CSTA: variants seen among roughly 807,000 people sequenced by gnomAD.
CSTA encodes the protein cystatin-A.
Under a neutral mutation model 9.2 loss-of-function variants are expected in CSTA, and 9 were observed. The ratio of observed to expected loss-of-function variants is 0.97; its 90% confidence interval spans 0.59 to 1.70. The LOEUF (loss-of-function observed/expected upper bound fraction) is 1.70, where lower values mean the gene tolerates loss of function less well. Among genes scored for constraint, CSTA ranks in the 40% most tolerant of loss-of-function variants. The probability of loss-of-function intolerance (pLI) is 0.00; values close to 1 mark genes in which losing one functional copy is unlikely to be tolerated. For missense variants in CSTA, 118 were observed against 113.1 expected (o/e 1.04, Z -0.20); for synonymous variants, 36 against 40.6 (o/e 0.89, Z 0.43).
chr3:122,341,806 G>GC lies in CSTA; in HGVS notation c.*241dup, dbSNP rs1040796139. The GC allele has an allele frequency of 1.1e-4, 55 of 490,644 alleles. No homozygotes were observed. Among genetic ancestry groups the GC allele is most frequent in the Non-Finnish European group, 1.4e-4 (38 of 275,642 alleles). The allele number at this position is 490,644 out of a possible 1,614,324, so 30.4% of individuals were successfully genotyped here. On this transcript the variant is annotated 3_prime_UTR_variant, in exon 3 of 3. Coordinates refer to ENST00000264474, the MANE Select transcript of CSTA (RefSeq NM_005213.4). ...TGGAAATCTTATAAAAACTAGTCAA[G>GC]CCTAATGCAACTGGCTAAAGGATAG...
chr3:122,326,719 T>G (rs2075172394), intron 1 of CSTA, among the ~76,000 whole-genome samples: 1 of 152,244 alleles, frequency 6.6e-6, no homozygotes, highest in Admixed American at 6.5e-5. Flanking sequence ...TGTCTTCATG[T>G]GAATCCCCAG....
intron 2 of CSTA, 28 bp downstream of exon 2, chr3:122,337,676 C>A: frequency 7.6e-7 from 1 of 1,319,182 alleles, no homozygotes; most frequent in Non-Finnish European, 1.1e-6. Flanking sequence ...ACTTTAGCGC[C>A]AAAAGATGTA....
chr3:122,332,040 T>C (rs912072018), intron 1 of CSTA, among the ~76,000 whole-genome samples: 1 of 152,202 alleles, frequency 6.6e-6, no homozygotes, highest in Non-Finnish European at 1.5e-5. Context: ...GCCGCTAATC[T>C]GACAGGAGGC....
chr3:122,328,151 G>A (rs1258865494), intron 1 of CSTA, among the ~76,000 whole-genome samples: 2 of 152,116 alleles, frequency 1.3e-5, no homozygotes, highest in South Asian at 2.1e-4. Flanking sequence ...GAGCAGGCAG[G>A]GAAGATATTG....
intron 2 of CSTA, among the ~76,000 whole-genome samples, chr3:122,341,011 G>C (rs779563152): frequency 6.6e-6 from 1 of 151,316 alleles, no homozygotes; most frequent in Non-Finnish European, 1.5e-5. Context: ...GCATGATCTC[G>C]GCTCACTGCA....
intron 1 of CSTA, among the ~76,000 whole-genome samples, chr3:122,331,085 A>AAT (rs569665751): frequency 3.8e-4 from 57 of 149,310 alleles, no homozygotes; most frequent in African/African-American, 1.2e-3. Context: ...CTATACATGC[A>AAT]ATGTGCATGC....
At chr3:122,332,626 G>A (rs75498128) in intron 1 of CSTA, among the ~76,000 whole-genome samples, 8,427 of 152,194 alleles carry the variant, frequency 0.055, 284 homozygotes, top group African/African-American at 0.092. Context: ...ATGCTCAGTA[G>A]CAATGAGAAA....
chr3:122,337,398 G>T (rs1048474331), intron 1 of CSTA, 149 bp from the exon 2 acceptor site: 17 of 627,824 alleles, frequency 2.7e-5, no homozygotes, highest in Non-Finnish European at 4.6e-5. Context: ...ATTAAAACAG[G>T]TGTTTTCTAT....
At chr3:122,325,683 T>C (rs1485012226) in intron 1 of CSTA, among the ~76,000 whole-genome samples, 1 of 152,246 alleles carries the variant, frequency 6.6e-6, no homozygotes, top group Non-Finnish European at 1.5e-5. Flanking sequence ...ATGAAACTTT[T>C]CTAATCTCAC....
At chr3:122,332,619 C>T (rs2075211002) in intron 1 of CSTA, among the ~76,000 whole-genome samples, 1 of 152,166 alleles carries the variant, frequency 6.6e-6, no homozygotes, top group South Asian at 2.1e-4. Flanking sequence ...AAGATTCATG[C>T]TCAGTAGCAA....
At chr3:122,334,203 A>G (rs1559981852) in intron 1 of CSTA, among the ~76,000 whole-genome samples, 4 of 152,188 alleles carry the variant, frequency 2.6e-5, no homozygotes, top group Admixed American at 1.3e-4. Flanking sequence ...ATCTCAACAG[A>G]ACAATCACAC....
chr3:122,333,255 A>G (rs1462750044), intron 1 of CSTA, among the ~76,000 whole-genome samples: 1 of 152,240 alleles, frequency 6.6e-6, no homozygotes, highest in Non-Finnish European at 1.5e-5. Context: ...TCACCCCTGT[A>G]ATCCCAGCAC....
At chr3:122,325,811 A>C (rs1271331079) in intron 1 of CSTA, among the ~76,000 whole-genome samples, 1 of 152,220 alleles carries the variant, frequency 6.6e-6, no homozygotes, top group African/African-American at 2.4e-5. Context: ...AATATTGTAA[A>C]GGCAATCTAC....
intron 1 of CSTA, among the ~76,000 whole-genome samples, chr3:122,333,575 GAAAGA>G (rs2075218028): frequency 7.8e-6 from 1 of 128,424 alleles, no homozygotes; most frequent in Admixed American, 8.4e-5. Context: ...AAGAAAGAAA[GAAAGA>G]AAGAAAGAAA....
At chr3:122,341,148 G>A (rs112596751) in intron 2 of CSTA, among the ~76,000 whole-genome samples, 2,684 of 152,070 alleles carry the variant, frequency 0.018, 78 homozygotes, top group African/African-American at 0.062. Context: ...TCACCATGCT[G>A]GCCAGGCTTG....
intron 1 of CSTA, among the ~76,000 whole-genome samples, chr3:122,331,667 A>G (rs1180372850): frequency 6.6e-6 from 1 of 152,212 alleles, no homozygotes; most frequent in African/African-American, 2.4e-5. Context: ...AAACCTGTGG[A>G]TTAATGCTTA....
At chr3:122,329,124 C>A (rs1370929679) in intron 1 of CSTA, among the ~76,000 whole-genome samples, 1 of 151,412 alleles carries the variant, frequency 6.6e-6, no homozygotes, top group Admixed American at 6.6e-5. Flanking sequence ...CGCCACCATG[C>A]CTGGCTAATT....
chr3:122,334,662 T>A (rs2075226643), intron 1 of CSTA, among the ~76,000 whole-genome samples: 1 of 151,996 alleles, frequency 6.6e-6, no homozygotes. Context: ...TCCTTTTTCC[T>A]CCAAAAGACA....
chr3:122,332,775 G>C (rs2075211822), intron 1 of CSTA, among the ~76,000 whole-genome samples: 1 of 152,162 alleles, frequency 6.6e-6, no homozygotes. Context: ...GACTGAGAAA[G>C]GTGAAGGCCA....
Sources: allele counts gnomAD v4.1 joint callset (sites outside exome capture counted in the v4.1 genomes callset), GRCh38; gene constraint gnomAD v4.1.1; transcripts MANE v1.5; gene names NCBI Gene and HGNC (gene_info 2026-07-23, HGNC 2026-07-21).